Variants in LRGUK observed in about 807,000 individuals in gnomAD.
The protein encoded by LRGUK is leucine-rich repeat and guanylate kinase domain-containing protein.
In LRGUK, 65 loss-of-function variants were observed where a neutral mutation model predicts 76.0. The observed-to-expected ratio is 0.85, with a 90% CI of 0.70 to 1.05. The LOEUF is 1.05. Ranked by LOEUF, LRGUK falls within the 50% of genes least tolerant of loss-of-function variation. The pLI is 0.00. For missense variants in LRGUK, 758 were observed against 732.8 expected (o/e 1.03, Z -0.40); for synonymous variants, 268 against 265.6 (o/e 1.01, Z -0.09).
chr7:134,215,284 G>A (rs1020866329), intron 15 of LRGUK, among the ~76,000 whole-genome samples: 6 of 151,324 alleles, frequency 4.0e-5, no homozygotes, highest in Non-Finnish European at 7.4e-5. Context: ...TTTCTATGGC[G>A]CTGAATTTCA....
exon 8 of LRGUK, chr7:134,174,610 C>G (rs1799406450): frequency 6.2e-7 from 1 of 1,603,974 alleles, no homozygotes; most frequent in Non-Finnish European, 8.5e-7. Flanking sequence ...CCTTCGAGTT[C>G]TCAATCTTCT....
At chr7:134,168,717 A>T (rs1357771350) in intron 7 of LRGUK, among the ~76,000 whole-genome samples, 1 of 152,192 alleles carries the variant, frequency 6.6e-6, no homozygotes, top group Admixed American at 6.5e-5. Context: ...GTGGCTGAGG[A>T]TGACTCCCGG....
Position 134,191,760 on chromosome 7 carries a change from GT to G in LRGUK, c.1431+12del. 6.4e-7 allele frequency: 1 copy of G among 1,555,734 alleles called. No individual in the cohort carries two copies. The highest frequency in any genetic ancestry group is 8.8e-7 in the Non-Finnish European group (1 of 1,132,402). ...ATGAAATGGTGAACATGGTAAGAAT[GT>G]TTGCCTTTGTTTTTATTGCACAAGA... On this transcript the variant is annotated intron_variant, in intron 12 of 15. Coordinates refer to ENST00000645682, the Ensembl canonical transcript of LRGUK.
chr7:134,193,400 C>G (rs990418519), intron 12 of LRGUK, among the ~76,000 whole-genome samples: 38 of 152,218 alleles, frequency 2.5e-4, no homozygotes, highest in Middle Eastern at 3.4e-3. Flanking sequence ...CAATTTTTTT[C>G]TCACGTCAGT....
intron 15 of LRGUK, 92 bp downstream of exon 15, chr7:134,201,668 G>A (rs1308244672): frequency 2.4e-6 from 2 of 829,826 alleles, no homozygotes; most frequent in Non-Finnish European, 3.9e-6. Context: ...CATCACTTGG[G>A]CTAAAGCTGG....
chr7:134,267,963 T>C (rs1177657559), downstream of LRGUK, among the ~76,000 whole-genome samples: 1 of 151,976 alleles, frequency 6.6e-6, no homozygotes, highest in Non-Finnish European at 1.5e-5. Flanking sequence ...AATGAAAATA[T>C]ACCCTATCAA....
intron 1 of LRGUK, among the ~76,000 whole-genome samples, chr7:134,133,543 A>G (rs1797396447): frequency 6.6e-6 from 1 of 152,162 alleles, no homozygotes; most frequent in African/African-American, 2.4e-5. Context: ...CAGGCACCAT[A>G]TCTGTTCACT....
intron 11 of LRGUK, among the ~76,000 whole-genome samples, chr7:134,187,520 A>G (rs1301171312): frequency 1.3e-5 from 2 of 152,244 alleles, no homozygotes; most frequent in Admixed American, 6.5e-5. Context: ...TATTGAAAAC[A>G]TAACTCAGTC....
chr7:134,255,683 T>A lies in LRGUK; in HGVS notation c.2199-2574T>A, dbSNP rs571754167. 9.2e-5 allele frequency among the ~76,000 whole-genome samples: 14 copies of A among 152,302 alleles called. No individual in the cohort carries two copies. In the South Asian group the frequency reaches 2.9e-3, roughly 32 times the overall value. On this transcript the variant is annotated intron_variant, in intron 18 of 19. Transcript: ENST00000285928. ...TTCTCTGTGGCTTTCTAAAGAAAAA[T>A]TATTAAACTTTTAAAAATGGGAAGG...
chr7:134,257,202 GC>G (rs1039599887), intron 18 of LRGUK, among the ~76,000 whole-genome samples: 1 of 152,134 alleles, frequency 6.6e-6, no homozygotes, highest in African/African-American at 2.4e-5. Context: ...TAAGACGTTG[GC>G]CCTCATTAAA....
chr7:134,179,779 G>T (rs1375261141), intron 10 of LRGUK, among the ~76,000 whole-genome samples: 2 of 152,212 alleles, frequency 1.3e-5, no homozygotes, highest in African/African-American at 4.8e-5. Context: ...AGTAGGCCCA[G>T]ATGTTCCAGG....
At chr7:134,228,297 A>T (rs1801811309) in intron 16 of LRGUK, among the ~76,000 whole-genome samples, 2 of 152,184 alleles carry the variant, frequency 1.3e-5, no homozygotes, top group Admixed American at 1.3e-4. Context: ...TTCTAGACAA[A>T]GAAACAGAAT....
Position 134,183,862 on chromosome 7 carries a change from G to C in LRGUK, c.1334+9G>C, listed in dbSNP as rs1231166940. ...ACTTACTTCAGATATGGGTAAGTTTGTTTATTGGCTTGTTAAGACTTGGAA... is the reference window on the plus strand; with the variant it reads ...ACTTACTTCAGATATGGGTAAGTTTCTTTATTGGCTTGTTAAGACTTGGAA... On this transcript the variant is annotated intron_variant, in intron 11 of 15. Coordinates refer to ENST00000645682, the Ensembl canonical transcript of LRGUK. The C allele has an allele frequency of 6.2e-7, 1 of 1,613,096 alleles. No homozygotes were observed. Among genetic ancestry groups the C allele is most frequent in the African/African-American group, 1.3e-5 (1 of 74,908 alleles).
chr7:134,234,813 T>G (rs933041743), intron 16 of LRGUK, among the ~76,000 whole-genome samples: 3 of 152,012 alleles, frequency 2.0e-5, no homozygotes, highest in Non-Finnish European at 2.9e-5. Context: ...TTTCCCTATC[T>G]ACACTCACTT....
intron 15 of LRGUK, among the ~76,000 whole-genome samples, chr7:134,219,578 C>T (rs993387582): frequency 2.6e-5 from 4 of 152,086 alleles, no homozygotes; most frequent in African/African-American, 9.7e-5. Context: ...TTATATGGTT[C>T]CAGTTCATCT....
chr7:134,184,260 ATTTTTCTTT>A (rs1361712204), intron 11 of LRGUK, among the ~76,000 whole-genome samples: 3 of 151,082 alleles, frequency 2.0e-5, no homozygotes, highest in Non-Finnish European at 4.4e-5. Flanking sequence ...AAACAAAATA[ATTTTTCTTT>A]TTTTTCTTTT....
At chr7:134,154,605 G>A (rs925012887) in intron 5 of LRGUK, among the ~76,000 whole-genome samples, 2 of 152,202 alleles carry the variant, frequency 1.3e-5, no homozygotes, top group Non-Finnish European at 2.9e-5. Flanking sequence ...AGAGTGAAAA[G>A]CTGAGAAACA....
intron 5 of LRGUK, among the ~76,000 whole-genome samples, chr7:134,151,646 G>A (rs1214677869): frequency 6.6e-6 from 1 of 152,036 alleles, no homozygotes; most frequent in East Asian, 1.9e-4. Context: ...CAAAATATTA[G>A]CAACAGAATC....
intron 7 of LRGUK, among the ~76,000 whole-genome samples, chr7:134,167,124 C>T (rs1486943155): frequency 1.3e-5 from 2 of 152,180 alleles, no homozygotes; most frequent in African/African-American, 2.4e-5. Context: ...GGCCAACATA[C>T]TCCTGCCCTG....
Sources: allele counts gnomAD v4.1 joint callset (sites outside exome capture counted in the v4.1 genomes callset), GRCh38; gene constraint gnomAD v4.1.1; transcripts MANE v1.5; gene names NCBI Gene and HGNC (gene_info 2026-07-23, HGNC 2026-07-21).